Variants in SETD1B observed in about 807,000 individuals in gnomAD.
SETD1B encodes the protein histone-lysine N-methyltransferase SETD1B.
Under a neutral mutation model 148.0 loss-of-function variants are expected in SETD1B, and 7 were observed. That is an observed-to-expected ratio of 0.05 (90% CI 0.03 to 0.09). The LOEUF is 0.09. Among genes scored for constraint, SETD1B ranks in the 10% least tolerant of loss-of-function variants. The probability of loss-of-function intolerance (pLI) is 1.00; values close to 1 mark genes in which losing one functional copy is unlikely to be tolerated. For synonymous variants in SETD1B, 1,361 were observed against 1,186.5 expected, an observed-to-expected ratio of 1.15 and a Z score of -3.02; for missense variants, 2,155 against 2,729.9, an observed-to-expected ratio of 0.79 and a Z score of 4.69.
intron 7 of SETD1B, among the ~76,000 whole-genome samples, chr12:121,815,805 T>TA (rs750787477): frequency 2.0e-5 from 3 of 151,216 alleles, no homozygotes; most frequent in African/African-American, 4.9e-5. Flanking sequence ...CTGGCCTACT[T>TA]ACTATTTTCT....
intron 11 of SETD1B, among the ~76,000 whole-genome samples, chr12:121,821,841 T>A (rs957857126): frequency 2.6e-5 from 4 of 152,156 alleles, no homozygotes; most frequent in Non-Finnish European, 5.9e-5. Flanking sequence ...ATTCCAGCAC[T>A]TTGGGAGGCC....
At chr12:121,806,208 G>GTT (rs1184212942) in intron 4 of SETD1B, 103 bp downstream of exon 4, 48 of 1,298,836 alleles carry the variant, frequency 3.7e-5, no homozygotes, top group Middle Eastern at 2.6e-4. Flanking sequence ...CTCTTCCTTG[G>GTT]GATCCCCCCC....
chr12:121,813,588 A>G (rs900812186), intron 6 of SETD1B, among the ~76,000 whole-genome samples: 1 of 152,208 alleles, frequency 6.6e-6, no homozygotes, highest in Non-Finnish European at 1.5e-5. Flanking sequence ...TAGCTGAGTT[A>G]ATAAATGTGG....
Position 121,810,895 on chromosome 12 carries a change from C to T in SETD1B, c.1890+60C>T, listed in dbSNP as rs1482639320. ...TTTTGTCTATCTTGTATCTCCCTTT[C>T]CCCCTTCAAGCATTTAGCATGACTA... On this transcript the variant is annotated intron_variant, in intron 6 of 16. Transcript: ENST00000604567. The surrounding 1 kb of genome is among the most constrained non-coding windows in gnomAD (Gnocchi z 7.6). The T allele has an allele frequency of 6.9e-5, 100 of 1,441,358 alleles. No homozygotes were observed. The highest frequency in any genetic ancestry group is 7.1e-5 in the Non-Finnish European group (78 of 1,090,944). The allele number at this position is 1,441,358 out of a possible 1,614,324, so 89.3% of individuals were successfully genotyped here.
chr12:121,821,157 A>G (rs760573366), intron 11 of SETD1B, among the ~76,000 whole-genome samples: 10 of 152,194 alleles, frequency 6.6e-5, no homozygotes, highest in Non-Finnish European at 7.3e-5. Flanking sequence ...GTCTTTGAAC[A>G]TTGACTCAAT....
rs1876932816 is a variant in SETD1B at position 121,828,190 on chromosome 12, T to C, written c.5727+120T>C. 2.9e-6 allele frequency: 4 copies of C among 1,369,324 alleles called. No individual in the cohort carries two copies. In the African/African-American group the frequency reaches 4.3e-5, roughly 15 times the overall value. 84.8% of individuals were successfully genotyped at this position (1,369,324 alleles called of 1,614,324 possible). ...GCTCGGCCTCCTTCCCAAGCTCAGG[T>C]TGGCCAAGGGTTATAGGGAGAGGAG... On this transcript the variant is annotated intron_variant, in intron 16 of 16. Transcript: ENST00000604567.
chr12:121,817,055 C>T lies in SETD1B; in HGVS notation c.2738C>T (p.Ser913Leu), dbSNP rs766919382. The T allele has an allele frequency of 1.2e-5, 18 of 1,531,882 alleles. No homozygotes were observed. Among genetic ancestry groups the T allele is most frequent in the Non-Finnish European group, 1.4e-5 (16 of 1,134,246 alleles). 94.9% of individuals were successfully genotyped at this position (1,531,882 alleles called of 1,614,324 possible). The change falls in exon 8 of 17, where the codon TCG becomes TTG. Residue 913 changes from serine (S) to leucine (L), a missense_variant. By Grantham distance (145) the Ser-to-Leu change is moderately radical (BLOSUM62 -2). Transcript: ENST00000604567. This position sits in a 1 kb window ranked among gnomAD's most constrained non-coding sequence, Gnocchi z 8.1. ...CAGGCCTCGCTGACCCCGGTGAAGT[C>T]GGGCGAGCACAAGGACGAGGACAGG... is the stretch of plus-strand genomic sequence containing the variant. ...MAKASLTPVKSGEHKDEDRPK... is the reference protein window; with the variant it reads ...MAKASLTPVKLGEHKDEDRPK...
rs150294509 is a variant in SETD1B at position 121,822,943 on chromosome 12, G to A, written c.4364G>A (p.Arg1455His). The change falls in exon 12 of 17, where the codon CGC becomes CAC. Residue 1455 changes from arginine to histidine, a missense_variant. Arg to His is a conservative substitution (Grantham distance 29, BLOSUM62 0). Coordinates refer to ENST00000604567, the MANE Select transcript of SETD1B (RefSeq NM_001353345.2). ...LPVCPLPTGR[R>H]DERSGPLASP... ...GTCTGCCCACTCCCCACTGGCCGAC[G>A]CGATGAACGCTCCGGGCCCCTGGCC... 428 of 1,537,380 alleles carry A rather than the reference G, an allele frequency of 2.8e-4. 5 individuals carry two copies. In the East Asian group the frequency reaches 8.9e-3, roughly 32 times the overall value.
intron 7 of SETD1B, among the ~76,000 whole-genome samples, chr12:121,816,273 C>A (rs1281495224): frequency 6.9e-6 from 1 of 145,514 alleles, no homozygotes; most frequent in Non-Finnish European, 1.5e-5. Flanking sequence ...CCCCCCTGCT[C>A]CCCTCCCTCG....
chr12:121,828,336 C>T (rs1160402484), intron 16 of SETD1B, among the ~76,000 whole-genome samples: 1 of 152,254 alleles, frequency 6.6e-6, no homozygotes, highest in African/African-American at 2.4e-5. Flanking sequence ...TGGTTCAGTT[C>T]ATTGGTAATT....
chr12:121,822,574 G>A lies in SETD1B; in HGVS notation c.3995G>A (p.Arg1332Gln), dbSNP rs780071933. The A allele has an allele frequency of 1.9e-5, 30 of 1,547,410 alleles. No homozygotes were observed. Among genetic ancestry groups the A allele is most frequent in the African/African-American group, 4.1e-5 (3 of 72,720 alleles). ...QPPLPPPRPP[R>Q]PPSPPPEPET... ...CCATTGCCGCCCCCACGACCACCCC[G>A]GCCACCCAGCCCACCGCCGGAGCCT... Residue 1332 changes from arginine (R) to glutamine (Q), a missense_variant, in exon 12 of 17, where the codon CGG becomes CAG. Transcript: ENST00000604567.
Position 121,817,873 on chromosome 12 carries a change from G to C in SETD1B, c.3387G>C (p.Ala1129=), listed in dbSNP as rs753984504. The change falls in exon 10 of 17, where the codon GCG becomes GCC. Residue 1129 remains alanine, a synonymous_variant. Coordinates refer to ENST00000604567, the MANE Select transcript of SETD1B (RefSeq NM_001353345.2). This position sits in a 1 kb window ranked among gnomAD's most constrained non-coding sequence, Gnocchi z 8.1. ...ACGAGGACACAGCCCTGTCAGAGGCGAGTGAGAAGGACGAAGGGGACTCGG... is the reference window on the plus strand; with the variant it reads ...ACGAGGACACAGCCCTGTCAGAGGCCAGTGAGAAGGACGAAGGGGACTCGG... ...NDDEDTALSE[A]SEKDEGDSDE... 26 of 1,550,626 alleles carry C rather than the reference G, an allele frequency of 1.7e-5. No individual in the cohort carries two copies. The highest frequency in any genetic ancestry group is 2.7e-5 in the African/African-American group (2 of 73,042).
chr12:121,826,279 A>G (rs1435911695), intron 13 of SETD1B, among the ~76,000 whole-genome samples: 4 of 152,256 alleles, frequency 2.6e-5, no homozygotes, highest in Non-Finnish European at 4.4e-5. Context: ...AATTCCAGGC[A>G]GGGAAAATGC....
Position 121,823,107 on chromosome 12 carries a change from T to G in SETD1B, c.4528T>G (p.Ser1510Ala). ...LPPLLPAPLA[S>A]CPPPMKRKPG... ...ACCCCTGCTGCCCGCCCCCCTGGCC[T>G]CTTGCCCTCCCCCAATGAAGAGGAA... Residue 1510 changes from serine to alanine, a missense_variant, in exon 12 of 17, where the codon TCT (serine) becomes GCT (alanine). Ser to Ala is a moderately conservative substitution (Grantham distance 99, BLOSUM62 1). Around this residue, in one of 11 missense-constraint regions of SETD1B, gnomAD observed 862 missense variants for 873.8 expected, o/e 0.99. Coordinates refer to ENST00000604567, the MANE Select transcript of SETD1B (RefSeq NM_001353345.2). The G allele has an allele frequency of 5.9e-6, 5 of 848,898 alleles. No individual in the cohort carries two copies. The highest frequency in any genetic ancestry group is 6.6e-5 in the East Asian group (1 of 15,112). The allele number at this position is 848,898 out of a possible 1,614,324, so 52.6% of individuals were successfully genotyped here.
intron 11 of SETD1B, among the ~76,000 whole-genome samples, chr12:121,821,750 A>G (rs1440800354): frequency 1.3e-5 from 2 of 152,158 alleles, no homozygotes; most frequent in African/African-American, 4.8e-5. Flanking sequence ...GACTGTCTCG[A>G]AAAAATAAAA....
chr12:121,809,493 TC>T, intron 5 of SETD1B, 109 bp from the exon 6 acceptor site: 1 of 1,190,102 alleles, frequency 8.4e-7, no homozygotes, highest in Non-Finnish European at 1.2e-6. Flanking sequence ...ATGCTGCAGT[TC>T]TAGAGCAGTT....
At chr12:121,822,240 C>T (rs1337027954) in intron 11 of SETD1B, among the ~76,000 whole-genome samples, 9 of 152,086 alleles carry the variant, frequency 5.9e-5, no homozygotes, top group Non-Finnish European at 1.0e-4. Context: ...GTTCTGAAGA[C>T]GTAGTATGAA....
At chr12:121,820,878 C>T (rs917764898) in intron 11 of SETD1B, among the ~76,000 whole-genome samples, 14 of 152,218 alleles carry the variant, frequency 9.2e-5, no homozygotes, top group African/African-American at 3.1e-4. Context: ...ATTACAGCTG[C>T]CCCTGTACAT....
At chr12:121,799,727 GGGGTGGGGT>G (rs1369943741), upstream of SETD1B, 6 of 67,026 alleles carry the variant, frequency 9.0e-5, 1 homozygote, top group African/African-American at 2.0e-4. Context: ...TGGGGGGGGG[GGGGTGGGGT>G]GGGGCGGGGC....
Sources: gnomAD v4.1 joint callset for allele counts (sites outside exome capture counted in the v4.1 genomes callset) on GRCh38, gnomAD v4.1.1 for gene constraint, gnomAD v4.1.1 regional missense constraint, Gnocchi (gnomAD v3.1) non-coding constraint, MANE v1.5 for transcripts, NCBI Gene and HGNC (gene_info 2026-07-23, HGNC 2026-07-21) for gene names.